Variants in MAP2 observed in about 807,000 individuals in gnomAD.
MAP2 encodes microtubule-associated protein 2.
In MAP2, 14 loss-of-function variants were observed where a neutral mutation model predicts 137.6. The observed-to-expected ratio is 0.10, with a 90% CI of 0.07 to 0.16. The LOEUF is 0.16. MAP2 is among the 10% of genes least tolerant of loss of function. The probability of loss-of-function intolerance (pLI) is 1.00; values close to 1 mark genes in which losing one functional copy is unlikely to be tolerated. For missense variants in MAP2, 2,088 were observed against 2,191.5 expected, an observed-to-expected ratio of 0.95 and a Z score of 0.94; for synonymous variants, 786 against 782.3, an observed-to-expected ratio of 1.00 and a Z score of -0.08.
chr2:209,498,536 G>T (rs543505326), intron 1 of MAP2, among the ~76,000 whole-genome samples: 1 of 152,368 alleles, frequency 6.6e-6, no homozygotes, highest in East Asian at 1.9e-4. Flanking sequence ...CCCTAGTAGA[G>T]GTTCTCTGTT....
chr2:209,719,436 C>T (rs1485848714), intron 13 of MAP2, among the ~76,000 whole-genome samples: 1 of 152,160 alleles, frequency 6.6e-6, no homozygotes, highest in Non-Finnish European at 1.5e-5. Context: ...GGGATGAATG[C>T]CTCCAACTTA....
At chr2:209,464,802 A>C (rs1009791045) in intron 1 of MAP2, among the ~76,000 whole-genome samples, 2 of 152,120 alleles carry the variant, frequency 1.3e-5, no homozygotes, top group Non-Finnish European at 2.9e-5. Flanking sequence ...ATTAATTAAA[A>C]TTGCCTGTGT....
intron 2 of MAP2, among the ~76,000 whole-genome samples, chr2:209,527,804 A>T (rs879386932): frequency 6.6e-6 from 1 of 152,156 alleles, no homozygotes; most frequent in Non-Finnish European, 1.5e-5. Flanking sequence ...AGTGAATCAG[A>T]AATGTGTGGC....
chr2:209,726,572 A>G (rs921748686), intron 14 of MAP2, among the ~76,000 whole-genome samples: 6 of 152,202 alleles, frequency 3.9e-5, no homozygotes, highest in Non-Finnish European at 7.3e-5. Context: ...AGACTCAGCA[A>G]CATAGGGAAA....
Position 209,692,682 on chromosome 2 carries a change from C to T in MAP2, c.512C>T (p.Thr171Ile), listed in dbSNP as rs377700467. 5 of 1,611,814 alleles carry T rather than the reference C, an allele frequency of 3.1e-6. No individual in the cohort carries two copies. The highest frequency in any genetic ancestry group is 4.5e-5 in the East Asian group (2 of 44,874). ...FHDQQELTPS[T>I]AEPSDQKEKE... The stretch of plus-strand genomic sequence containing the variant: ...GATCAACAGGAATTGACTCCCTCTA[C>T]AGCTGAGCCTTCAGACCAGAAGGAA... Residue 171 changes from threonine (T) to isoleucine (I), a missense_variant, in exon 8 of 16, where the codon ACA becomes ATA. Thr to Ile is a moderately conservative substitution (Grantham distance 89). Around this residue, in one of 6 missense-constraint regions of MAP2, gnomAD observed 859 missense variants for 794.5 expected, o/e 1.08. Transcript: ENST00000682079.
intron 14 of MAP2, among the ~76,000 whole-genome samples, chr2:209,728,781 G>T (rs754809522): frequency 1.3e-5 from 2 of 152,154 alleles, no homozygotes; most frequent in South Asian, 4.1e-4. Context: ...TACTCAACAT[G>T]TTTATTGGAG....
At chr2:209,539,810 C>G (rs764586432) in intron 2 of MAP2, among the ~76,000 whole-genome samples, 7 of 151,560 alleles carry the variant, frequency 4.6e-5, no homozygotes, top group Non-Finnish European at 8.8e-5. Context: ...ATAAAAGTCA[C>G]TTTCGTGCTG....
intron 1 of MAP2, among the ~76,000 whole-genome samples, chr2:209,464,623 A>C (rs1703681358): frequency 6.6e-6 from 1 of 152,098 alleles, no homozygotes; most frequent in Admixed American, 6.6e-5. Context: ...CCAGTCCAGC[A>C]TTCATTAATT....
chr2:209,574,890 T>C (rs1327069350), intron 2 of MAP2, among the ~76,000 whole-genome samples: 1 of 152,178 alleles, frequency 6.6e-6, no homozygotes, highest in Non-Finnish European at 1.5e-5. Flanking sequence ...TCAAGAATAC[T>C]AGGGGAAAGC....
chr2:209,539,359 C>T (rs1245669733), intron 2 of MAP2, among the ~76,000 whole-genome samples: 1 of 152,168 alleles, frequency 6.6e-6, no homozygotes, highest in Non-Finnish European at 1.5e-5. Context: ...TACCTCTGCT[C>T]CTTCACAATT....
chr2:209,474,123 T>C (rs1416271334), intron 1 of MAP2, among the ~76,000 whole-genome samples: 1 of 11,452 alleles, frequency 8.7e-5, no homozygotes, highest in Non-Finnish European at 1.5e-4. Context: ...AGATGCTCTC[T>C]ATAGTGGTTT....
intron 5 of MAP2, among the ~76,000 whole-genome samples, chr2:209,666,632 G>A (rs1361396819): frequency 6.6e-6 from 1 of 151,854 alleles, no homozygotes; most frequent in African/African-American, 2.4e-5. Flanking sequence ...TGGCTATTTT[G>A]GTGACACAGG....
At chr2:209,621,745 GC>G in intron 3 of MAP2, among the ~76,000 whole-genome samples, 1 of 152,110 alleles carries the variant, frequency 6.6e-6, no homozygotes, top group East Asian at 1.9e-4. Context: ...CCACAACATG[GC>G]AACATTTTCT....
intron 4 of MAP2, among the ~76,000 whole-genome samples, chr2:209,639,748 G>A (rs1438405756): frequency 2.0e-5 from 3 of 151,582 alleles, no homozygotes; most frequent in Non-Finnish European, 4.4e-5. Context: ...ACAATTTTGT[G>A]CCTTACATGA....
At chr2:209,615,209 AGCCGAAT>A in intron 3 of MAP2, among the ~76,000 whole-genome samples, 1 of 152,284 alleles carries the variant, frequency 6.6e-6, no homozygotes, top group South Asian at 2.1e-4. Flanking sequence ...CCCTGTGTTC[AGCCGAAT>A]GCCTCTTCAG....
At chr2:209,632,955 A>G (rs1430542137) in intron 4 of MAP2, among the ~76,000 whole-genome samples, 1 of 152,058 alleles carries the variant, frequency 6.6e-6, no homozygotes, top group African/African-American at 2.4e-5. Flanking sequence ...TTCAGTGTAT[A>G]TCAGATCATT....
chr2:209,545,401 T>C (rs1023185405), intron 2 of MAP2, among the ~76,000 whole-genome samples: 3 of 152,224 alleles, frequency 2.0e-5, no homozygotes, highest in African/African-American at 7.2e-5. Context: ...ATAATTTTTA[T>C]TTTTTAATGC....
intron 1 of MAP2, among the ~76,000 whole-genome samples, chr2:209,430,769 T>A (rs1694038353): frequency 6.6e-6 from 1 of 152,182 alleles, no homozygotes; most frequent in Non-Finnish European, 1.5e-5. Flanking sequence ...GCCCTTTATC[T>A]TCACTTAAAC....
intron 1 of MAP2, among the ~76,000 whole-genome samples, chr2:209,427,325 T>A (rs1410846213): frequency 1.3e-5 from 2 of 151,358 alleles, no homozygotes; most frequent in Admixed American, 6.5e-5. Context: ...AACCTGAAGA[T>A]AACAGTTTTG....
Sources: allele counts gnomAD v4.1 joint callset (sites outside exome capture counted in the v4.1 genomes callset), GRCh38; gene constraint gnomAD v4.1.1; regional missense constraint gnomAD v4.1.1; transcripts MANE v1.5; gene names NCBI Gene and HGNC (gene_info 2026-07-23, HGNC 2026-07-21).